The following PACRG variants were observed in gnomAD, a reference collection of about 807,000 sequenced individuals.
The protein encoded by PACRG is parkin coregulated, also known as parkin coregulated gene protein.
PACRG carries 29 observed loss-of-function variants against 29.7 expected under a neutral mutation model. That is an observed-to-expected ratio of 0.98 (90% CI 0.73 to 1.33). PACRG has a LOEUF of 1.33. Among genes scored for constraint, PACRG ranks in the 40% most tolerant of loss-of-function variants. PACRG has a pLI of 0.00. For missense variants in PACRG, 279 were observed against 316.2 expected, an observed-to-expected ratio of 0.88 and a Z score of 0.89; for synonymous variants, 116 against 118.7, an observed-to-expected ratio of 0.98 and a Z score of 0.15.
At chr6:162,906,433 G>C (rs764394515) in intron 2 of PACRG, among the ~76,000 whole-genome samples, 8 of 152,176 alleles carry the variant, frequency 5.3e-5, no homozygotes, top group African/African-American at 9.6e-5. Flanking sequence ...AATCAGTAGA[G>C]AATAGTGCTT....
intron 2 of PACRG, among the ~76,000 whole-genome samples, chr6:162,869,667 T>C (rs777289074): frequency 6.6e-6 from 1 of 152,206 alleles, no homozygotes; most frequent in East Asian, 1.9e-4. Context: ...TTATTTTTAA[T>C]ATAATTTCAG....
chr6:163,236,593 G>A (rs1462476613), intron 4 of PACRG, among the ~76,000 whole-genome samples: 2 of 152,078 alleles, frequency 1.3e-5, no homozygotes, highest in African/African-American at 2.4e-5. Flanking sequence ...TCCTACCCTC[G>A]GGTGAATAAA....
chr6:163,069,218 C>T (rs1041287706), intron 3 of PACRG, among the ~76,000 whole-genome samples: 17 of 150,456 alleles, frequency 1.1e-4, no homozygotes, highest in African/African-American at 3.2e-4. Flanking sequence ...CTGTGAAGAC[C>T]GCAATACCTA....
chr6:162,924,012 G>C (rs1402733276), intron 2 of PACRG, among the ~76,000 whole-genome samples: 3 of 151,960 alleles, frequency 2.0e-5, no homozygotes, highest in African/African-American at 7.2e-5. Flanking sequence ...CCATTCATAA[G>C]CATGAGATAT....
intron 2 of PACRG, among the ~76,000 whole-genome samples, chr6:162,935,584 C>T (rs954242626): frequency 6.6e-6 from 1 of 151,580 alleles, no homozygotes; most frequent in African/African-American, 2.4e-5. Flanking sequence ...TAAAATTTCT[C>T]ATTTGGATAA....
chr6:163,122,166 A>G (rs1231241269), intron 4 of PACRG, among the ~76,000 whole-genome samples: 1 of 152,140 alleles, frequency 6.6e-6, no homozygotes, highest in Non-Finnish European at 1.5e-5. Flanking sequence ...GTATAAGTAC[A>G]TTCATAATGT....
chr6:163,081,860 A>G (rs1052592506), intron 3 of PACRG, among the ~76,000 whole-genome samples: 2 of 152,188 alleles, frequency 1.3e-5, no homozygotes, highest in Admixed American at 1.3e-4. Context: ...AAAAAAACTA[A>G]CATGCCTGCT....
intron 2 of PACRG, among the ~76,000 whole-genome samples, chr6:162,872,935 A>G (rs1792951165): frequency 6.6e-6 from 1 of 152,188 alleles, no homozygotes; most frequent in African/African-American, 2.4e-5. Flanking sequence ...CCTGACTGAT[A>G]TCACTAGGTA....
At chr6:162,768,669 A>G (rs1782982611) in intron 1 of PACRG, among the ~76,000 whole-genome samples, 1 of 152,154 alleles carries the variant, frequency 6.6e-6, no homozygotes, top group Non-Finnish European at 1.5e-5. Context: ...TTCAGCCAAG[A>G]AAGTCTAAGT....
At chr6:163,231,378 T>C (rs1447106442) in intron 4 of PACRG, among the ~76,000 whole-genome samples, 1 of 152,216 alleles carries the variant, frequency 6.6e-6, no homozygotes, top group African/African-American at 2.4e-5. Context: ...TGGCCAGAGT[T>C]CCCTGCCCAT....
chr6:162,743,411 CT>C (rs1396350701), intron 1 of PACRG, among the ~76,000 whole-genome samples: 4 of 151,950 alleles, frequency 2.6e-5, no homozygotes, highest in African/African-American at 9.7e-5. Flanking sequence ...CTCTACATGC[CT>C]TTTTTGTTTG....
chr6:162,907,907 G>T lies in PACRG; in HGVS notation c.291+93626G>T, dbSNP rs912446127. ...CCAGACTTATGACACTTATGACACT[G>T]CCATCTTCAAGGTATTTGCCATATA... On this transcript the variant is annotated intron_variant, in intron 2 of 4. Coordinates refer to ENST00000366888, the MANE Select transcript of PACRG (RefSeq NM_001080379.2). Among the ~76,000 whole-genome samples the T allele has an allele frequency of 2.6e-5, 4 of 152,040 alleles. No homozygotes were observed. The East Asian group carries it at 7.7e-4, about 29-fold the overall frequency.
At chr6:163,185,551 G>C (rs1779878505) in intron 4 of PACRG, among the ~76,000 whole-genome samples, 1 of 152,112 alleles carries the variant, frequency 6.6e-6, no homozygotes, top group Admixed American at 6.5e-5. Context: ...CAAAGAATTC[G>C]TTAAGAAAAA....
intron 2 of PACRG, among the ~76,000 whole-genome samples, chr6:162,879,633 G>T (rs1284196527): frequency 6.6e-6 from 1 of 152,220 alleles, no homozygotes; most frequent in Non-Finnish European, 1.5e-5. Flanking sequence ...TAAATAGGAG[G>T]CTTCATTCAT....
intron 4 of PACRG, among the ~76,000 whole-genome samples, chr6:163,126,085 A>G (rs1018931212): frequency 6.6e-6 from 1 of 152,236 alleles, no homozygotes; most frequent in Non-Finnish European, 1.5e-5. Flanking sequence ...ACTTACGTAT[A>G]TCCTAGTAAC....
intron 2 of PACRG, among the ~76,000 whole-genome samples, chr6:162,958,914 G>C (rs1444748115): frequency 7.2e-6 from 1 of 138,680 alleles, no homozygotes; most frequent in African/African-American, 2.7e-5. Context: ...GAGAGAGAGA[G>C]AGAGAGAGAG....
intron 2 of PACRG, among the ~76,000 whole-genome samples, chr6:162,988,931 A>C (rs1379436329): frequency 1.3e-5 from 2 of 152,204 alleles, no homozygotes; most frequent in Non-Finnish European, 2.9e-5. Context: ...GGAGCTACTG[A>C]CTGGTGAAAC....
In PACRG at chr6:162,856,264, G is replaced by C. The variant is rs148853387; in HGVS notation, c.291+41983G>C. 4.4e-3 allele frequency among the ~76,000 whole-genome samples: 664 copies of C among 152,118 alleles called. 4 individuals carry two copies. Among genetic ancestry groups the C allele is most frequent in the African/African-American group, 0.012 (509 of 41,500 alleles). On this transcript the variant is annotated intron_variant, in intron 2 of 4. Transcript: ENST00000366888. Reference sequence around the variant, plus strand: ...TGTAGAGATAGGGTCTCACTCTTTTGTCCAGTCTGGTCTTGAACTCCTGGC... The same window carrying C: ...TGTAGAGATAGGGTCTCACTCTTTTCTCCAGTCTGGTCTTGAACTCCTGGC...
At chr6:162,957,329 T>C in intron 2 of PACRG, 1 of 595,898 alleles carries the variant, frequency 1.7e-6, no homozygotes, top group Non-Finnish European at 3.0e-6. Context: ...TGAACACATT[T>C]AGCACTCATG....
Sources: gnomAD v4.1 joint callset for allele counts (sites outside exome capture counted in the v4.1 genomes callset) on GRCh38, gnomAD v4.1.1 for gene constraint, MANE v1.5 for transcripts, NCBI Gene and HGNC (gene_info 2026-07-23, HGNC 2026-07-21) for gene names.